Variants in HYDIN observed in about 807,000 individuals in gnomAD.
The protein encoded by HYDIN is HYDIN axonemal central pair apparatus protein, also known as axonemal central pair apparatus protein HYDIN.
Under a neutral mutation model 403.9 loss-of-function variants are expected in HYDIN, and 132 were observed. That is an observed-to-expected ratio of 0.33 (90% CI 0.28 to 0.38). HYDIN has a LOEUF of 0.38. HYDIN is among the 10% of genes least tolerant of loss of function. The pLI is 1.00. For missense variants in HYDIN, 2,827 were observed against 5,009.5 expected (o/e 0.56, Z 13.15); for synonymous variants, 1,202 against 1,891.7 (o/e 0.64, Z 9.46).
intron 7 of HYDIN, among the ~76,000 whole-genome samples, chr16:71,144,944 G>T (rs1386704537): frequency 1.3e-5 from 2 of 152,186 alleles, no homozygotes; most frequent in Non-Finnish European, 2.9e-5. Context: ...ATTTCAAACA[G>T]CTGCAGAAAG....
intron 1 of HYDIN, among the ~76,000 whole-genome samples, chr16:71,219,201 T>C (rs2089056066): frequency 6.6e-6 from 1 of 152,068 alleles, no homozygotes; most frequent in Admixed American, 6.6e-5. Context: ...AATAGCAGTT[T>C]AAAGAAATAA....
chr16:71,163,648 G>A (rs1830548168), intron 5 of HYDIN, among the ~76,000 whole-genome samples: 1 of 152,262 alleles, frequency 6.6e-6, no homozygotes, highest in East Asian at 1.9e-4. Context: ...CCAGCCTACT[G>A]CAGGATGTGC....
chr16:71,072,724 A>G (rs1221464208), intron 13 of HYDIN, among the ~76,000 whole-genome samples: 1 of 152,120 alleles, frequency 6.6e-6, no homozygotes, highest in Non-Finnish European at 1.5e-5. Flanking sequence ...AATAATAACT[A>G]GAAGATCCAT....
rs755573035 is a variant in HYDIN, at chr16:71,184,950, G to A, written c.176C>T (p.Thr59Ile). ...ACGTGTTTTTGCCAGTCTCTGCTCG[G>A]TGGTCAGGGACATTTCCTTCAGGAA... ...SEFLKEMSLT[T>I]EQRLAKTRLM... Residue 59 changes from threonine (T) to isoleucine (I), a missense_variant, in exon 3 of 86, where the codon ACC becomes ATC. By Grantham distance (89) the Thr-to-Ile change is moderately conservative (BLOSUM62 -1). Transcript: ENST00000393567. 1 of 1,610,586 alleles carries A rather than the reference G, an allele frequency of 6.2e-7. No homozygotes were observed. Among genetic ancestry groups the A allele is most frequent in the Non-Finnish European group, 8.5e-7 (1 of 1,177,506 alleles).
intron 2 of HYDIN, among the ~76,000 whole-genome samples, chr16:71,185,202 A>G (rs755823285): frequency 2.9e-4 from 44 of 152,162 alleles, no homozygotes; most frequent in Non-Finnish European, 5.1e-4. Flanking sequence ...ATTGAAAATG[A>G]CATGTGTTTG....
chr16:70,866,641 G>A (rs1282826702), intron 66 of HYDIN, among the ~76,000 whole-genome samples: 25 of 151,920 alleles, frequency 1.6e-4, no homozygotes, highest in South Asian at 2.1e-4. Flanking sequence ...ACATCTTTCC[G>A]GGAGGAAAGA....
intron 10 of HYDIN, among the ~76,000 whole-genome samples, chr16:71,110,502 T>C (rs946495439): frequency 1.4e-5 from 2 of 143,424 alleles, no homozygotes; most frequent in African/African-American, 5.1e-5. Context: ...ATATTTCATA[T>C]ATATATATCA....
intron 45 of HYDIN, among the ~76,000 whole-genome samples, chr16:70,925,659 C>T (rs2077131009): frequency 1.3e-5 from 2 of 150,980 alleles, no homozygotes; most frequent in South Asian, 4.2e-4. Flanking sequence ...AAACTACCAT[C>T]AGAGTGAACA....
intron 45 of HYDIN, among the ~76,000 whole-genome samples, chr16:70,932,333 C>T (rs981405637): frequency 2.4e-4 from 36 of 152,184 alleles, no homozygotes; most frequent in South Asian, 8.3e-4. Flanking sequence ...CCTGCTTAGA[C>T]GACAGAGCAA....
chr16:71,107,907 G>A (rs1045991012), intron 10 of HYDIN, among the ~76,000 whole-genome samples: 5 of 151,980 alleles, frequency 3.3e-5, no homozygotes, highest in South Asian at 2.1e-4. Flanking sequence ...TAGCAAAGAC[G>A]GAATCAACTT....
At chr16:71,068,384 G>A (rs1427161877) in intron 14 of HYDIN, among the ~76,000 whole-genome samples, 1 of 151,982 alleles carries the variant, frequency 6.6e-6, no homozygotes. Context: ...AGGGAAAACT[G>A]GAGCTTGGAG....
At chr16:71,080,151 G>A in intron 12 of HYDIN, 199 bp from the exon 13 acceptor site, 2 of 437,656 alleles carry the variant, frequency 4.6e-6, no homozygotes, top group East Asian at 7.1e-5. Context: ...CAAACCATGG[G>A]TTTTGACAAA....
chr16:70,893,218 A>C (rs2041580664), intron 55 of HYDIN, among the ~76,000 whole-genome samples: 1 of 152,140 alleles, frequency 6.6e-6, no homozygotes, highest in Non-Finnish European at 1.5e-5. Flanking sequence ...CCAACCTGAG[A>C]GTGACTCCAT....
At chr16:71,128,556 C>T (rs1003633615) in intron 9 of HYDIN, among the ~76,000 whole-genome samples, 2 of 152,156 alleles carry the variant, frequency 1.3e-5, no homozygotes, top group African/African-American at 4.8e-5. Context: ...TAACAAGCTG[C>T]GGGCTTCCTC....
chr16:70,886,772 A>C (rs141562062), intron 58 of HYDIN, among the ~76,000 whole-genome samples: 1 of 152,306 alleles, frequency 6.6e-6, no homozygotes, highest in East Asian at 1.9e-4. Flanking sequence ...TTTTGTAAGA[A>C]ATCTGCTGTC....
At chr16:71,134,514 TGC>T (rs2084839670) in intron 8 of HYDIN, among the ~76,000 whole-genome samples, 1 of 152,200 alleles carries the variant, frequency 6.6e-6, no homozygotes, top group South Asian at 2.1e-4. Flanking sequence ...AAGATCTCGC[TGC>T]TGCTTTTCAG....
At position 70,866,846 on chromosome 16, in the gene HYDIN, G is replaced by A. The variant is rs562194992; in HGVS notation, c.11311-517C>T. Among the ~76,000 whole-genome samples, 731 of 152,030 alleles carry A rather than the reference G, an allele frequency of 4.8e-3. 5 individuals are homozygous for A. The highest frequency in any genetic ancestry group is 0.017 in the African/African-American group (704 of 41,494). ...TTGAGACCAGCCTGGCCAACATGGT[G>A]AAACCCTGTCTCTGCTAAAAGTACA... is the stretch of plus-strand genomic sequence containing the variant. On this transcript the variant is annotated intron_variant, in intron 66 of 85. Transcript: ENST00000393567.
chr16:70,843,361 A>T, intron 75 of HYDIN, among the ~76,000 whole-genome samples: 1 of 141,070 alleles, frequency 7.1e-6, no homozygotes, highest in Non-Finnish European at 1.5e-5. Flanking sequence ...GTCCCTACAA[A>T]GGACATGAAC....
At chr16:71,195,629 T>C (rs2087659477) in intron 1 of HYDIN, among the ~76,000 whole-genome samples, 1 of 152,212 alleles carries the variant, frequency 6.6e-6, no homozygotes, top group African/African-American at 2.4e-5. Context: ...TTCTATTTAT[T>C]TGATCTTTTT....
Sources: allele counts gnomAD v4.1 joint callset (sites outside exome capture counted in the v4.1 genomes callset), GRCh38; gene constraint gnomAD v4.1.1; transcripts MANE v1.5; gene names NCBI Gene and HGNC (gene_info 2026-07-23, HGNC 2026-07-21).